The following ALCAM variants were observed in gnomAD, a reference collection of about 807,000 sequenced individuals.
ALCAM encodes CD166 antigen.
A neutral mutation model predicts 70.9 loss-of-function variants in ALCAM; 30 were observed. That is an observed-to-expected ratio of 0.42 (90% CI 0.32 to 0.57). The LOEUF is 0.57. Among genes scored for constraint, ALCAM ranks in the 20% least tolerant of loss-of-function variants. The pLI is 0.11. For missense variants in ALCAM, 591 were observed against 695.1 expected (o/e 0.85, Z 1.68); for synonymous variants, 249 against 242.5 (o/e 1.03, Z -0.25).
At chr3:105,431,710 G>A (rs1335903566) in intron 1 of ALCAM, among the ~76,000 whole-genome samples, 13 of 152,078 alleles carry the variant, frequency 8.5e-5, no homozygotes, top group African/African-American at 3.1e-4. Flanking sequence ...AAAGGAACGA[G>A]TCTAAGCTCT....
intron 6 of ALCAM, among the ~76,000 whole-genome samples, chr3:105,535,101 C>T (rs1006540769): frequency 5.4e-4 from 82 of 152,074 alleles, no homozygotes; most frequent in African/African-American, 2.0e-3. Flanking sequence ...ACACTAAGTT[C>T]TTTAAAGATA....
intron 1 of ALCAM, among the ~76,000 whole-genome samples, chr3:105,371,524 TTTTTCTCTTTTTTC>T (rs2107317492): frequency 6.8e-6 from 1 of 146,606 alleles, no homozygotes; most frequent in South Asian, 2.1e-4. Flanking sequence ...TTTCTTTTTT[TTTTTCTCTTTTTTC>T]TTTTTCTCCG....
chr3:105,514,859 A>G (rs1426968257), intron 1 of ALCAM, among the ~76,000 whole-genome samples: 1 of 152,010 alleles, frequency 6.6e-6, no homozygotes, highest in African/African-American at 2.4e-5. Context: ...GAATAAACAT[A>G]TCCCTACTTC....
intron 1 of ALCAM, among the ~76,000 whole-genome samples, chr3:105,410,486 A>T (rs1187205457): frequency 6.6e-6 from 1 of 151,932 alleles, no homozygotes. Context: ...GTGTTTATGT[A>T]GTTATGTGGT....
intron 1 of ALCAM, among the ~76,000 whole-genome samples, chr3:105,505,894 T>C (rs544185706): frequency 6.6e-6 from 1 of 152,320 alleles, no homozygotes; most frequent in South Asian, 2.1e-4. Flanking sequence ...GAAATCATTA[T>C]AAATATTCTC....
chr3:105,502,488 A>C (rs558430510), intron 1 of ALCAM, among the ~76,000 whole-genome samples: 2 of 152,280 alleles, frequency 1.3e-5, no homozygotes, highest in Admixed American at 6.5e-5. Context: ...AGAGTACAGA[A>C]AAGCAAATGA....
intron 1 of ALCAM, among the ~76,000 whole-genome samples, chr3:105,495,550 A>T (rs1938711938): frequency 6.6e-6 from 1 of 152,260 alleles, no homozygotes; most frequent in South Asian, 2.1e-4. Flanking sequence ...GCAATGAAAT[A>T]GTGAGACAAC....
At position 105,559,042 on chromosome 3, in the gene ALCAM, T is replaced by C. The variant is rs200170551; in HGVS notation, c.1664+6457T>C. Among the ~76,000 whole-genome samples, 3 of 152,108 alleles carry C rather than the reference T, an allele frequency of 2.0e-5. No homozygotes were observed. The East Asian group carries it at 5.8e-4, about 29-fold the overall frequency. ...TCACCTTTAGCACTTCTTCCCACGG[T>C]AACTTACTATGATCCTGTAATTTAA... On this transcript the variant is annotated intron_variant, in intron 14 of 15. Transcript: ENST00000306107.
intron 1 of ALCAM, among the ~76,000 whole-genome samples, chr3:105,488,615 A>C (rs570483096): frequency 1.3e-5 from 2 of 150,914 alleles, no homozygotes; most frequent in African/African-American, 4.9e-5. Context: ...AGTAAAAGAG[A>C]GACAGGAAGG....
At chr3:105,370,903 T>C (rs1022702312) in intron 1 of ALCAM, among the ~76,000 whole-genome samples, 18 of 152,200 alleles carry the variant, frequency 1.2e-4, no homozygotes, top group African/African-American at 3.6e-4. Flanking sequence ...ATGTAAATTA[T>C]GGTTTATGCT....
At chr3:105,551,996 A>AT (rs1240714577) in intron 12 of ALCAM, 148 bp from the exon 13 acceptor site, 1 of 525,526 alleles carries the variant, frequency 1.9e-6, no homozygotes, top group African/African-American at 2.0e-5. Flanking sequence ...GTCATACTTT[A>AT]TTAAGTGTGA....
intron 3 of ALCAM, 189 bp downstream of exon 3, chr3:105,524,697 TAGG>T (rs1939651753): frequency 1.5e-6 from 2 of 1,330,280 alleles, no homozygotes; most frequent in Middle Eastern, 2.6e-4. Context: ...GAAATTCAAA[TAGG>T]AGATTTGCAG....
In ALCAM at chr3:105,534,860, A is replaced by G. The variant is rs372983523; in HGVS notation, c.730+15A>G. The G allele has an allele frequency of 3.8e-6, 6 of 1,588,744 alleles. No homozygotes were observed. Among genetic ancestry groups the G allele is most frequent in the Middle Eastern group, 1.7e-4 (1 of 5,938 alleles). On this transcript the variant is annotated intron_variant, in intron 6 of 15. Coordinates refer to ENST00000306107, the MANE Select transcript of ALCAM (RefSeq NM_001627.4). Reference sequence around the variant, plus strand: ...TGATATTTACTGTAAGTAATTCAATATATAATTATGCTATTTAATGTATTA... The same window carrying G: ...TGATATTTACTGTAAGTAATTCAATGTATAATTATGCTATTTAATGTATTA...
In ALCAM at chr3:105,367,476, G is replaced by C. The variant is rs143318830; in HGVS notation, c.68G>C (p.Arg23Thr). The part of the protein sequence containing the change: ...FCLLISATVF[R>T]PGLGWYTVNS... ...CTCTTGATCTCCGCCACCGTCTTCAGGCCAGGTGAGCAAGGGCCTGGGAGC... is the reference window on the plus strand; with the variant it reads ...CTCTTGATCTCCGCCACCGTCTTCACGCCAGGTGAGCAAGGGCCTGGGAGC... Residue 23 changes from arginine (R) to threonine (T), a missense_variant, in exon 1 of 16, where the codon AGG becomes ACG. This residue lies in a region of ALCAM where 427 missense variants were observed against 450.4 expected (regional missense o/e 0.95). Transcript: ENST00000306107. 1 of 1,614,084 alleles carries C rather than the reference G, an allele frequency of 6.2e-7. No individual in the cohort carries two copies. Among genetic ancestry groups the C allele is most frequent in the Non-Finnish European group, 8.5e-7 (1 of 1,179,946 alleles).
intron 14 of ALCAM, among the ~76,000 whole-genome samples, chr3:105,560,009 G>A (rs1231392583): frequency 6.6e-6 from 1 of 151,984 alleles, no homozygotes; most frequent in African/African-American, 2.4e-5. Flanking sequence ...CAAATAGTAT[G>A]GCTAAAATAA....
At chr3:105,527,541 T>C (rs1939735754) in intron 3 of ALCAM, among the ~76,000 whole-genome samples, 1 of 152,004 alleles carries the variant, frequency 6.6e-6, no homozygotes. Context: ...TCTACTTGAT[T>C]AGTGAGGCTT....
At chr3:105,426,115 G>A (rs1936784706) in intron 1 of ALCAM, among the ~76,000 whole-genome samples, 1 of 151,716 alleles carries the variant, frequency 6.6e-6, no homozygotes, top group African/African-American at 2.4e-5. Flanking sequence ...TGAGAGTCAG[G>A]GTATTTTTCA....
At chr3:105,523,652 T>A (rs1226100012) in intron 2 of ALCAM, among the ~76,000 whole-genome samples, 1 of 152,202 alleles carries the variant, frequency 6.6e-6, no homozygotes, top group African/African-American at 2.4e-5. Flanking sequence ...ATTTTGGTGA[T>A]GTTTTTGTAT....
At chr3:105,477,208 T>C (rs1308288788) in intron 1 of ALCAM, among the ~76,000 whole-genome samples, 2 of 152,156 alleles carry the variant, frequency 1.3e-5, no homozygotes, top group Non-Finnish European at 2.9e-5. Flanking sequence ...AAAAGGAAAA[T>C]TCCCTTTTAT....
Sources: allele counts gnomAD v4.1 joint callset (sites outside exome capture counted in the v4.1 genomes callset), GRCh38; gene constraint gnomAD v4.1.1; regional missense constraint gnomAD v4.1.1; transcripts MANE v1.5; gene names NCBI Gene and HGNC (gene_info 2026-07-23, HGNC 2026-07-21).